MDH2: variants seen among roughly 807,000 people sequenced by gnomAD.
MDH2 encodes the protein malate dehydrogenase 2, also known as malate dehydrogenase, mitochondrial.
A neutral mutation model predicts 33.6 loss-of-function variants in MDH2; 25 were observed. That is an observed-to-expected ratio of 0.74 (90% confidence interval 0.54 to 1.04). The LOEUF is 1.04. MDH2 is among the 50% of genes least tolerant of loss of function. MDH2 has a pLI of 0.00. For missense variants in MDH2, 432 were observed against 445.0 expected, an observed-to-expected ratio of 0.97 and a Z score of 0.26; for synonymous variants, 193 against 188.7, an observed-to-expected ratio of 1.02 and a Z score of -0.19.
chr7:76,055,094 G>C, intron 2 of MDH2, 96 bp downstream of exon 2: 1 of 1,352,080 alleles, frequency 7.4e-7, no homozygotes, highest in Non-Finnish European at 9.9e-7. Context: ...TAAATGTTTA[G>C]AGACGGGGGT....
At chr7:76,063,385 T>G (rs1476425185) in intron 5 of MDH2, 130 bp from the exon 6 acceptor site, 10 of 808,634 alleles carry the variant, frequency 1.2e-5, no homozygotes, top group African/African-American at 8.5e-5. Context: ...GGACAGGGCC[T>G]CCTCCTAGCT....
At chr7:76,064,317 G>A (rs782059941) in intron 6 of MDH2, 22 bp from the exon 7 acceptor site, 4 of 1,596,174 alleles carry the variant, frequency 2.5e-6, no homozygotes, top group Non-Finnish European at 1.7e-6. Flanking sequence ...GCCACTCACT[G>A]ATCCCATGGC....
intron 5 of MDH2, 66 bp from the exon 6 acceptor site, chr7:76,063,449 C>A: frequency 6.7e-7 from 1 of 1,490,738 alleles, no homozygotes. Flanking sequence ...GGGCTGTGGG[C>A]AGCTGTGACA....
chr7:76,061,815 C>A (rs1554587063), intron 5 of MDH2, among the ~76,000 whole-genome samples: 1 of 152,154 alleles, frequency 6.6e-6, no homozygotes, highest in Admixed American at 6.5e-5. Flanking sequence ...CGTGGGCTCT[C>A]AGGGCTGGGC....
intron 6 of MDH2, 33 bp downstream of exon 6, chr7:76,063,625 G>C (rs782733466): frequency 6.3e-7 from 1 of 1,598,080 alleles, no homozygotes; most frequent in Non-Finnish European, 8.6e-7. Context: ...GGGGCTTCGA[G>C]GTCAGGATTC....
chr7:76,055,467 G>A (rs1291401020), intron 2 of MDH2, among the ~76,000 whole-genome samples: 2 of 152,120 alleles, frequency 1.3e-5, no homozygotes, highest in Non-Finnish European at 2.9e-5. Context: ...TTAGTGCAGT[G>A]GCTTATACCT....
intron 5 of MDH2, among the ~76,000 whole-genome samples, chr7:76,061,001 A>G (rs1554586927): frequency 6.6e-6 from 1 of 151,946 alleles, no homozygotes; most frequent in Non-Finnish European, 1.5e-5. Flanking sequence ...GTGGTAGCTC[A>G]CCCTGGAGAG....
intron 4 of MDH2, among the ~76,000 whole-genome samples, chr7:76,059,428 G>A (rs138773590): frequency 2.0e-5 from 3 of 152,090 alleles, no homozygotes; most frequent in East Asian, 1.9e-4. Flanking sequence ...ACACACAGTC[G>A]CGGACACACA....
In MDH2 at chr7:76,058,040, C is replaced by T. The variant is rs1554586522; in HGVS notation, c.391C>T (p.His131Tyr). The T allele has an allele frequency of 6.2e-7, 1 of 1,613,846 alleles. No individual in the cohort carries two copies. The change falls in exon 4 of 9, where the codon CAC becomes TAC. Residue 131 changes from histidine to tyrosine, a missense_variant. Physicochemically the swap from His to Tyr is moderately conservative, Grantham distance 83. Coordinates refer to ENST00000315758, the MANE Select transcript of MDH2 (RefSeq NM_005918.4). ...CACCCTGACCGCTGCCTGTGCCCAG[C>T]ACTGCCCGGAAGCCATGATCTGCGT... is the stretch of plus-strand genomic sequence containing the variant. ...VATLTAACAQ[H>Y]CPEAMICVIA... is the part of the protein sequence containing the mutation.
At chr7:76,055,842 T>G (rs1797761250) in intron 2 of MDH2, among the ~76,000 whole-genome samples, 1 of 151,830 alleles carries the variant, frequency 6.6e-6, no homozygotes, top group African/African-American at 2.4e-5. Flanking sequence ...TTTTTTTTTT[T>G]TTTTGAGACC....
At chr7:76,051,373 G>A (rs1260737362) in intron 1 of MDH2, among the ~76,000 whole-genome samples, 1 of 149,240 alleles carries the variant, frequency 6.7e-6, no homozygotes, top group African/African-American at 2.5e-5. Flanking sequence ...CCAGGCTGGA[G>A]TGCAATGGTG....
At chr7:76,054,566 C>G (rs1797714981) in intron 1 of MDH2, 2 of 447,886 alleles carry the variant, frequency 4.5e-6, no homozygotes, top group Admixed American at 4.1e-5. Flanking sequence ...TGATGGAGTC[C>G]AGCTTGTTCT....
At position 76,064,826 on chromosome 7, in the gene MDH2, A is replaced by T. The variant is rs1554587587; in HGVS notation, c.758A>T (p.Tyr253Phe). 1.2e-6 allele frequency: 2 copies of T among 1,614,088 alleles called. No individual in the cohort carries two copies. Among genetic ancestry groups the T allele is most frequent in the Non-Finnish European group, 8.5e-7 (1 of 1,180,014 alleles). ...GAGSATLSMAYAGARFVFSLV... is the reference protein window; with the variant it reads ...GAGSATLSMAFAGARFVFSLV... ...GGCTCTGCCACCCTCTCCATGGCGT[A>T]TGCCGGCGCCCGCTTTGTCTTCTCC... Residue 253 changes from tyrosine (Y) to phenylalanine (F), a missense_variant, in exon 8 of 9, where the codon TAT (tyrosine) becomes TTT (phenylalanine). Coordinates refer to ENST00000315758, the MANE Select transcript of MDH2 (RefSeq NM_005918.4).
intron 1 of MDH2, among the ~76,000 whole-genome samples, chr7:76,050,721 G>A (rs1797596586): frequency 6.6e-6 from 1 of 152,172 alleles, no homozygotes; most frequent in Admixed American, 6.5e-5. Flanking sequence ...GGTAAGAAAT[G>A]ATTGAATTCT....
At chr7:76,062,103 G>A (rs555965667) in intron 5 of MDH2, among the ~76,000 whole-genome samples, 1 of 152,148 alleles carries the variant, frequency 6.6e-6, no homozygotes, top group Admixed American at 6.5e-5. Context: ...CATTACCCCT[G>A]GCTGCCTGAC....
intron 1 of MDH2, among the ~76,000 whole-genome samples, chr7:76,052,919 G>A (rs1054926360): frequency 8.6e-5 from 13 of 152,034 alleles, no homozygotes; most frequent in African/African-American, 2.4e-4. Flanking sequence ...CATGGCTCAC[G>A]GCAGCCTCAA....
intron 1 of MDH2, among the ~76,000 whole-genome samples, chr7:76,052,763 C>T (rs1554585663): frequency 6.6e-6 from 1 of 151,932 alleles, no homozygotes; most frequent in East Asian, 1.9e-4. Context: ...CCAAGCTGGT[C>T]TCAAAGTCCT....
At chr7:76,048,865 T>A (rs954117017) in intron 1 of MDH2, 1 of 1,167,252 alleles carries the variant, frequency 8.6e-7, no homozygotes, top group Non-Finnish European at 1.1e-6. Context: ...CCTAGGAGCC[T>A]AGGCTATTTT....
Position 76,060,512 on chromosome 7 carries a change from G to C in MDH2, c.555+14G>C. On this transcript the variant is annotated intron_variant, in intron 5 of 8. Transcript: ENST00000315758. ...GCAGAGCTGAAGGTAAGGGCGGCGT[G>C]GGTGTTGCTCAGGTGACCTTTCTGA... is the stretch of plus-strand genomic sequence containing the variant. 6.2e-7 allele frequency: 1 copy of C among 1,613,734 alleles called. No individual in the cohort carries two copies. Among genetic ancestry groups the C allele is most frequent in the Non-Finnish European group, 8.5e-7 (1 of 1,179,786 alleles).
Sources: gnomAD v4.1 joint callset for allele counts (sites outside exome capture counted in the v4.1 genomes callset) on GRCh38, gnomAD v4.1.1 for gene constraint, MANE v1.5 for transcripts, NCBI Gene and HGNC (gene_info 2026-07-23, HGNC 2026-07-21) for gene names.